CSNK1D: variants seen among roughly 807,000 people sequenced by gnomAD.
The protein encoded by CSNK1D is casein kinase I isoform delta.
Under a neutral mutation model 46.6 loss-of-function variants are expected in CSNK1D, and 16 were observed. The ratio of observed to expected loss-of-function variants is 0.34; its 90% CI spans 0.23 to 0.52. CSNK1D has a LOEUF of 0.52. Ranked by LOEUF, CSNK1D falls within the 20% of genes least tolerant of loss-of-function variation. The pLI, the probability that CSNK1D is intolerant of heterozygous loss-of-function variation, is 0.95. For missense variants in CSNK1D, 398 were observed against 578.4 expected (o/e 0.69, Z 3.20); for synonymous variants, 276 against 228.2 (o/e 1.21, Z -1.89).
intron 8 of CSNK1D, 198 bp from the exon 9 acceptor site, chr17:82,245,029 G>A (rs1410423449): frequency 8.6e-6 from 6 of 696,748 alleles, no homozygotes; most frequent in East Asian, 5.4e-5. Context: ...ACAGGAAGAC[G>A]GGAAGGAGGA....
intron 2 of CSNK1D, among the ~76,000 whole-genome samples, chr17:82,263,607 C>T (rs1219521250): frequency 6.6e-6 from 1 of 152,250 alleles, no homozygotes; most frequent in Non-Finnish European, 1.5e-5. Context: ...CTTTTTGGTT[C>T]AGGGTTGGCT....
chr17:82,268,576 G>A (rs1032205478), intron 1 of CSNK1D, among the ~76,000 whole-genome samples: 18 of 152,216 alleles, frequency 1.2e-4, no homozygotes, highest in African/African-American at 4.3e-4. Context: ...AGCCCTGGGT[G>A]TCAGATTCAA....
At position 82,244,371 on chromosome 17, in the gene CSNK1D, C is replaced by T. The variant is rs1259890543; in HGVS notation, c.*410G>A. On this transcript the variant is annotated 3_prime_UTR_variant, in exon 9 of 9. Transcript: ENST00000314028. ...ACAATAAAAAGACAGATTTTCTTTA[C>T]ACAGATTTAAGCCAATAATTTTTAG... 1.3e-5 allele frequency: 15 copies of T among 1,113,608 alleles called. No individual in the cohort carries two copies. The highest frequency in any genetic ancestry group is 1.7e-5 in the Non-Finnish European group (15 of 904,330). 69.0% of individuals were successfully genotyped at this position (1,113,608 alleles called of 1,614,324 possible).
Position 82,249,304 on chromosome 17 carries a change from G to C in CSNK1D, c.1057+127C>G. ...GGGCAGCCTGGCTCATCCACCCTCA[G>C]GAGCGAGCATCGCCTGACACAGGGC... On this transcript the variant is annotated intron_variant, in intron 7 of 8. Coordinates refer to ENST00000314028, the MANE Select transcript of CSNK1D (RefSeq NM_001893.6). This position sits in a 1 kb window ranked among gnomAD's most constrained non-coding sequence, Gnocchi z 6.7. The C allele has an allele frequency of 9.5e-7, 1 of 1,057,454 alleles. No individual in the cohort carries two copies. The highest frequency in any genetic ancestry group is 2.6e-5 in the East Asian group (1 of 38,828). The allele number at this position is 1,057,454 out of a possible 1,614,324, so 65.5% of individuals were successfully genotyped here. A position where few individuals can be genotyped will look rare whatever the true frequency, so the allele number is the denominator to read the frequency against.
In CSNK1D at chr17:82,249,542, T is replaced by G; in HGVS notation, c.946A>C (p.Arg316=). Residue 316 remains arginine (R), a synonymous_variant, in exon 7 of 9, where the codon AGA becomes CGA. Coordinates refer to ENST00000314028, the MANE Select transcript of CSNK1D (RefSeq NM_001893.6). This position sits in a 1 kb window ranked among gnomAD's most constrained non-coding sequence, Gnocchi z 6.7. ...CGGGTAGCCGGGTTCCGCGAGTGTC[T>G]CAGCCGCTCCTCTCGGTCCCTGCGC... ...RERRDREERL[R]HSRNPATRGL... 1 of 1,547,374 alleles carries G rather than the reference T, an allele frequency of 6.5e-7. No homozygotes were observed. Among genetic ancestry groups the G allele is most frequent in the African/African-American group, 1.4e-5 (1 of 73,556 alleles).
chr17:82,251,667 G>C lies in CSNK1D; in HGVS notation c.737-140C>G. 1.1e-6 allele frequency: 1 copy of C among 904,390 alleles called. No individual in the cohort carries two copies. The highest frequency in any genetic ancestry group is 2.0e-5 in the Admixed American group (1 of 50,060). 56.0% of individuals were successfully genotyped at this position (904,390 alleles called of 1,614,324 possible). Reference sequence around the variant, plus strand: ...TGCAAAACACCTGTCAGATTTCTAAGACCTGAAGCCTTGAGAAAGCATCGA... The same window carrying C: ...TGCAAAACACCTGTCAGATTTCTAACACCTGAAGCCTTGAGAAAGCATCGA... On this transcript the variant is annotated intron_variant, in intron 5 of 8. Transcript: ENST00000314028. This position sits in a 1 kb window ranked among gnomAD's most constrained non-coding sequence, Gnocchi z 4.5.
chr17:82,258,358 T>C (rs976925502), intron 2 of CSNK1D, among the ~76,000 whole-genome samples: 1 of 151,350 alleles, frequency 6.6e-6, no homozygotes, highest in African/African-American at 2.4e-5. Flanking sequence ...ATTATATATA[T>C]GCAAATACAC....
At chr17:82,240,187 G>T, downstream of CSNK1D, 1 of 694,178 alleles carries the variant, frequency 1.4e-6, no homozygotes, top group Non-Finnish European at 2.0e-6. Flanking sequence ...TCAGGGCTGT[G>T]GAGGCCTCTA....
Position 82,255,582 on chromosome 17 carries a change from G to A in CSNK1D, c.188-5C>T. Reference sequence around the variant, plus strand: ...ATCTGATGGTGGGGATGCCCACTAGGCAAGGAAATCAGACACAGTGTTTCA... The same window carrying A: ...ATCTGATGGTGGGGATGCCCACTAGACAAGGAAATCAGACACAGTGTTTCA... On this transcript the variant is annotated splice_polypyrimidine_tract_variant and splice_region_variant and intron_variant, in intron 2 of 8. Coordinates refer to ENST00000314028, the MANE Select transcript of CSNK1D (RefSeq NM_001893.6). The surrounding 1 kb of genome is among the most constrained non-coding windows in gnomAD (Gnocchi z 5.9). 2 of 1,614,136 alleles carry A rather than the reference G, an allele frequency of 1.2e-6. No homozygotes were observed. The highest frequency in any genetic ancestry group is 1.7e-6 in the Non-Finnish European group (2 of 1,180,022).
At chr17:82,260,064 T>C (rs527802128) in intron 2 of CSNK1D, among the ~76,000 whole-genome samples, 20 of 139,992 alleles carry the variant, frequency 1.4e-4, no homozygotes, top group African/African-American at 6.4e-4. Context: ...TACTGACTGA[T>C]GTGACTGATG....
rs2050949504 is a variant in CSNK1D, at chr17:82,249,668, G to A, written c.886-66C>T. 44 of 1,536,412 alleles carry A rather than the reference G, an allele frequency of 2.9e-5. No individual in the cohort carries two copies. The highest frequency in any genetic ancestry group is 3.6e-5 in the Non-Finnish European group (41 of 1,146,948). ...GGCAGAAAGCAACCCTAGGTCCTAG[G>A]CTGCCCCGGCCACGTGAGAAAATAC... On this transcript the variant is annotated intron_variant, in intron 6 of 8. Transcript: ENST00000314028. This position sits in a 1 kb window ranked among gnomAD's most constrained non-coding sequence, Gnocchi z 6.7.
chr17:82,253,655 T>C lies in CSNK1D; in HGVS notation c.337-411A>G, dbSNP rs141650626. On this transcript the variant is annotated intron_variant, in intron 3 of 8. Coordinates refer to ENST00000314028, the MANE Select transcript of CSNK1D (RefSeq NM_001893.6). ...GAACCCACTGAATGGAAACGTGCTA[T>C]GCTGGTACCGAGAAGGTGGCCTCCA... The C allele has an allele frequency of 1.8e-3, 626 of 352,926 alleles. 3 individuals are homozygous for C. The highest frequency in any genetic ancestry group is 2.7e-3 in the Non-Finnish European group (498 of 181,664). The allele number at this position is 352,926 out of a possible 1,614,324, so 21.9% of individuals were successfully genotyped here.
intron 2 of CSNK1D, chr17:82,260,771 TGACTGATGGTGTACTGAGTGATGA>T (rs1268148574): frequency 4.5e-5 from 7 of 154,676 alleles, no homozygotes; most frequent in East Asian, 1.9e-4. Context: ...CTGACTGATG[TGACTGATGGTGTACTGAGTGATGA>T]GACTGATGGT....
chr17:82,248,547 G>A lies in CSNK1D; in HGVS notation c.1197+328C>T, dbSNP rs2050909306. The A allele has an allele frequency of 1.9e-5, 23 of 1,189,992 alleles. No homozygotes were observed. Among genetic ancestry groups the A allele is most frequent in the Non-Finnish European group, 2.2e-5 (21 of 950,378 alleles). 73.7% of individuals were successfully genotyped at this position (1,189,992 alleles called of 1,614,324 possible). A position where few individuals can be genotyped will look rare whatever the true frequency, so the allele number is the denominator to read the frequency against. On this transcript the variant is annotated intron_variant, in intron 8 of 8. Coordinates refer to ENST00000314028, the MANE Select transcript of CSNK1D (RefSeq NM_001893.6). The surrounding 1 kb of genome is among the most constrained non-coding windows in gnomAD (Gnocchi z 4.1). ...CACCCACAATGGGGCGCAAGCAGGC[G>A]AGCGGTGTCAGCTGCCTGGGGACGG...
At chr17:82,263,557 T>C (rs2051393248) in intron 2 of CSNK1D, among the ~76,000 whole-genome samples, 2 of 152,222 alleles carry the variant, frequency 1.3e-5, no homozygotes, top group African/African-American at 4.8e-5. Context: ...CAAATGGCAC[T>C]AGTGCCGAGT....
chr17:82,265,686 C>T lies in CSNK1D; in HGVS notation c.187G>A (p.Val63Met). ...TGCTCTGTGACTGGTAAAGACCTACCTCCTCCCTGCATCATCTTGTAGATT... is the reference window on the plus strand; with the variant it reads ...TGCTCTGTGACTGGTAAAGACCTACTTCCTCCCTGCATCATCTTGTAGATT... ...SKIYKMMQGG[V>M]GIPTIRWCGA... The change falls in exon 2 of 9, where the codon GTG (valine) becomes ATG (methionine). Residue 63 changes from valine to methionine, a missense_variant and splice_region_variant. Val to Met is a conservative substitution (Grantham distance 21). This residue lies in a region of CSNK1D where 217 missense variants were observed against 370.3 expected (regional missense o/e 0.59). Coordinates refer to ENST00000314028, the MANE Select transcript of CSNK1D (RefSeq NM_001893.6). 1 of 1,611,604 alleles carries T rather than the reference C, an allele frequency of 6.2e-7. No homozygotes were observed. Among genetic ancestry groups the T allele is most frequent in the Non-Finnish European group, 8.5e-7 (1 of 1,177,704 alleles).
intron 2 of CSNK1D, among the ~76,000 whole-genome samples, chr17:82,264,758 C>T (rs1046129728): frequency 9.2e-5 from 14 of 151,760 alleles, no homozygotes; most frequent in South Asian, 2.1e-4. Context: ...GAGGGGCACA[C>T]GACACCACGG....
Position 82,249,929 on chromosome 17 carries a change from T to A in CSNK1D, c.886-327A>T. 1 of 1,292,616 alleles carries A rather than the reference T, an allele frequency of 7.7e-7. No homozygotes were observed. Among genetic ancestry groups the A allele is most frequent in the Non-Finnish European group, 9.9e-7 (1 of 1,008,280 alleles). 80.1% of individuals were successfully genotyped at this position (1,292,616 alleles called of 1,614,324 possible). ...CTCTGTGAACATGCTCACTAACACG[T>A]GCAGAAAGAGGAGAGGGACAGGAAC... On this transcript the variant is annotated intron_variant, in intron 6 of 8. Coordinates refer to ENST00000314028, the MANE Select transcript of CSNK1D (RefSeq NM_001893.6). The surrounding 1 kb of genome is among the most constrained non-coding windows in gnomAD (Gnocchi z 6.7).
At position 82,273,129 on chromosome 17, in the gene CSNK1D, C is replaced by T. The variant is rs1344314017; in HGVS notation, c.76+177G>A. On this transcript the variant is annotated intron_variant, in intron 1 of 8. Coordinates refer to ENST00000314028, the MANE Select transcript of CSNK1D (RefSeq NM_001893.6). This position sits in a 1 kb window ranked among gnomAD's most constrained non-coding sequence, Gnocchi z 5.1. Reference sequence around the variant, plus strand: ...TCCCCCACGTCCGCTCCCCACTGCCCTCCCCACCCCTGGCCGCGCTAGCCT... The same window carrying T: ...TCCCCCACGTCCGCTCCCCACTGCCTTCCCCACCCCTGGCCGCGCTAGCCT... 3.1e-6 allele frequency: 2 copies of T among 647,142 alleles called. No individual in the cohort carries two copies. Among genetic ancestry groups the T allele is most frequent in the Non-Finnish European group, 5.3e-6 (2 of 378,468 alleles). The allele number at this position is 647,142 out of a possible 1,614,324, so 40.1% of individuals were successfully genotyped here.
Sources: gnomAD v4.1 joint callset for allele counts (sites outside exome capture counted in the v4.1 genomes callset) on GRCh38, gnomAD v4.1.1 for gene constraint, gnomAD v4.1.1 regional missense constraint, Gnocchi (gnomAD v3.1) non-coding constraint, MANE v1.5 for transcripts, NCBI Gene and HGNC (gene_info 2026-07-23, HGNC 2026-07-21) for gene names.